Variants in MYO3B observed in about 807,000 individuals in gnomAD.
MYO3B encodes the protein myosin-IIIb.
Under a neutral mutation model 174.6 loss-of-function variants are expected in MYO3B, and 156 were observed. That is an observed-to-expected ratio of 0.89 (90% CI 0.78 to 1.02). The LOEUF (loss-of-function observed/expected upper bound fraction) is 1.02, where lower values mean the gene tolerates loss of function less well. Ranked by LOEUF, MYO3B falls within the 50% of genes least tolerant of loss-of-function variation. The probability of loss-of-function intolerance (pLI) is 0.00; values close to 1 mark genes in which losing one functional copy is unlikely to be tolerated. For missense variants in MYO3B, 1,632 were observed against 1,639.4 expected, an observed-to-expected ratio of 1.00 and a Z score of 0.08; for synonymous variants, 563 against 569.1, an observed-to-expected ratio of 0.99 and a Z score of 0.15.
chr2:170,607,893 A>G (rs1322063779), intron 32 of MYO3B, among the ~76,000 whole-genome samples: 2 of 152,228 alleles, frequency 1.3e-5, no homozygotes, highest in African/African-American at 2.4e-5. Flanking sequence ...CAGGAATTCT[A>G]AAGTATAATA....
chr2:170,606,292 C>T (rs1447237914), intron 32 of MYO3B, among the ~76,000 whole-genome samples: 1 of 152,204 alleles, frequency 6.6e-6, no homozygotes, highest in African/African-American at 2.4e-5. Context: ...CTTTACCTCA[C>T]ATCATGATCC....
intron 9 of MYO3B, among the ~76,000 whole-genome samples, chr2:170,374,856 T>C (rs2094278975): frequency 6.6e-6 from 1 of 152,032 alleles, no homozygotes; most frequent in East Asian, 1.9e-4. Context: ...TATTGTACTA[T>C]TTGAGATTTG....
chr2:170,601,205 C>T (rs1001014270), intron 32 of MYO3B, among the ~76,000 whole-genome samples: 1 of 152,136 alleles, frequency 6.6e-6, no homozygotes, highest in African/African-American at 2.4e-5. Flanking sequence ...GTCAACAAAA[C>T]AGCTGCCACT....
At chr2:170,623,081 T>G (rs1419465393) in intron 32 of MYO3B, among the ~76,000 whole-genome samples, 1 of 152,222 alleles carries the variant, frequency 6.6e-6, no homozygotes, top group East Asian at 1.9e-4. Flanking sequence ...CCTTTGGGTA[T>G]ATACCCAGTA....
intron 30 of MYO3B, among the ~76,000 whole-genome samples, chr2:170,522,639 A>G (rs973605219): frequency 6.6e-6 from 1 of 152,148 alleles, no homozygotes; most frequent in Non-Finnish European, 1.5e-5. Context: ...TCTCTAGCTC[A>G]CTTCAGTTTG....
chr2:170,428,417 A>T (rs2094682709), intron 22 of MYO3B, among the ~76,000 whole-genome samples: 1 of 152,208 alleles, frequency 6.6e-6, no homozygotes, highest in South Asian at 2.1e-4. Flanking sequence ...CTTTTAGGAG[A>T]TATTTCACAA....
Position 170,466,731 on chromosome 2 carries a change from G to T in MYO3B, c.3014+20G>T. On this transcript the variant is annotated intron_variant, in intron 25 of 34. Coordinates refer to ENST00000408978, the MANE Select transcript of MYO3B (RefSeq NM_138995.5). ...GAAAAGGTCAGACCGTCATCTACGG[G>T]AATGCATTCTTATAAATGTAGCTCT... is the stretch of plus-strand genomic sequence containing the variant. The T allele has an allele frequency of 6.2e-7, 1 of 1,610,508 alleles. No individual in the cohort carries two copies. The highest frequency in any genetic ancestry group is 1.7e-5 in the Admixed American group (1 of 59,964).
intron 32 of MYO3B, among the ~76,000 whole-genome samples, chr2:170,570,615 G>A (rs904207282): frequency 1.3e-5 from 2 of 152,148 alleles, no homozygotes; most frequent in Admixed American, 1.3e-4. Context: ...ACTCAGTGTT[G>A]TAAGACACGT....
chr2:170,247,447 C>T (rs2093203795), intron 7 of MYO3B, among the ~76,000 whole-genome samples: 1 of 152,174 alleles, frequency 6.6e-6, no homozygotes, highest in Admixed American at 6.5e-5. Context: ...ATGCTTCATC[C>T]TGGTCATGGG....
At chr2:170,497,637 A>G (rs1282904078) in intron 25 of MYO3B, among the ~76,000 whole-genome samples, 1 of 151,392 alleles carries the variant, frequency 6.6e-6, no homozygotes, top group Non-Finnish European at 1.5e-5. Context: ...AGAAATACAC[A>G]AGTCTAATTG....
At chr2:170,204,999 G>C (rs563213965) in intron 3 of MYO3B, among the ~76,000 whole-genome samples, 1 of 152,202 alleles carries the variant, frequency 6.6e-6, no homozygotes, top group East Asian at 1.9e-4. Flanking sequence ...GGCTGCCCTT[G>C]AAAACCTTGC....
chr2:170,634,683 A>G (rs1276641368), intron 32 of MYO3B, among the ~76,000 whole-genome samples: 3 of 152,242 alleles, frequency 2.0e-5, no homozygotes, highest in Non-Finnish European at 4.4e-5. Context: ...TGAACAGGCA[A>G]CCTACAGAAT....
intron 3 of MYO3B, among the ~76,000 whole-genome samples, chr2:170,202,549 G>A (rs1024237073): frequency 2.0e-5 from 3 of 152,192 alleles, no homozygotes; most frequent in Non-Finnish European, 4.4e-5. Flanking sequence ...CACATAATTG[G>A]TTGTATGGCA....
intron 7 of MYO3B, among the ~76,000 whole-genome samples, chr2:170,322,409 AC>A (rs2093835109): frequency 6.6e-6 from 1 of 152,128 alleles, no homozygotes; most frequent in Admixed American, 6.5e-5. Context: ...AACTGCCAGG[AC>A]CCGCAGCATA....
At chr2:170,338,738 A>G (rs2093960518) in intron 8 of MYO3B, among the ~76,000 whole-genome samples, 1 of 151,940 alleles carries the variant, frequency 6.6e-6, no homozygotes. Flanking sequence ...AAGTAGCTGG[A>G]ATTACAGGTG....
At chr2:170,568,559 A>G (rs1048857419) in intron 32 of MYO3B, among the ~76,000 whole-genome samples, 2 of 152,218 alleles carry the variant, frequency 1.3e-5, no homozygotes, top group Non-Finnish European at 2.9e-5. Context: ...AAGAGATGAG[A>G]ACCATAGCTC....
chr2:170,595,286 G>C (rs888882181), intron 32 of MYO3B, among the ~76,000 whole-genome samples: 1 of 152,154 alleles, frequency 6.6e-6, no homozygotes, highest in South Asian at 2.1e-4. Flanking sequence ...GATGATTGAT[G>C]GGAATCTTGT....
intron 25 of MYO3B, among the ~76,000 whole-genome samples, chr2:170,488,507 T>C (rs1686216280): frequency 6.6e-6 from 1 of 152,192 alleles, no homozygotes; most frequent in Admixed American, 6.5e-5. Flanking sequence ...AAATCATGAC[T>C]GGCATACAGA....
intron 3 of MYO3B, among the ~76,000 whole-genome samples, chr2:170,207,483 T>TA (rs948739524): frequency 6.6e-6 from 1 of 152,044 alleles, no homozygotes; most frequent in African/African-American, 2.4e-5. Context: ...GCCCAACTGG[T>TA]AAAAAACTTT....
Sources: allele counts gnomAD v4.1 joint callset (sites outside exome capture counted in the v4.1 genomes callset), GRCh38; gene constraint gnomAD v4.1.1; transcripts MANE v1.5; gene names NCBI Gene and HGNC (gene_info 2026-07-23, HGNC 2026-07-21).